Variants in SIM1 observed in about 807,000 individuals in gnomAD.
SIM1 encodes the protein single-minded homolog 1.
A neutral mutation model predicts 78.2 loss-of-function variants in SIM1; 18 were observed. That is an observed-to-expected ratio of 0.23 (90% confidence interval 0.16 to 0.34). The LOEUF is 0.34. Ranked by LOEUF, SIM1 falls within the 10% of genes least tolerant of loss-of-function variation. The pLI is 1.00. For synonymous variants in SIM1, 417 were observed against 385.2 expected (o/e 1.08, Z -0.97); for missense variants, 939 against 975.1 (o/e 0.96, Z 0.49).
intron 9 of SIM1, among the ~76,000 whole-genome samples, chr6:100,430,591 C>G (rs187656118): frequency 6.6e-6 from 1 of 152,206 alleles, no homozygotes; most frequent in Admixed American, 6.5e-5. Flanking sequence ...CGGGCTGCCT[C>G]TTTTCCATTA....
intron 9 of SIM1, among the ~76,000 whole-genome samples, chr6:100,435,407 GGGTTGGTATGCTCGCT>G (rs1772017546): frequency 6.6e-6 from 1 of 152,164 alleles, no homozygotes; most frequent in Non-Finnish European, 1.5e-5. Flanking sequence ...TCCAGACCCT[GGGTTGGTATGCTCGCT>G]GGACCACTCA....
At chr6:100,440,849 A>G (rs1360572709) in intron 9 of SIM1, among the ~76,000 whole-genome samples, 1 of 152,142 alleles carries the variant, frequency 6.6e-6, no homozygotes, top group Admixed American at 6.5e-5. Context: ...TGTATAATCC[A>G]TCCCACCCCC....
chr6:100,445,087 A>G (rs946761215), intron 9 of SIM1, among the ~76,000 whole-genome samples: 1 of 152,196 alleles, frequency 6.6e-6, no homozygotes, highest in African/African-American at 2.4e-5. Context: ...ATGGAGAATC[A>G]ATAGCCATCT....
In SIM1 at chr6:100,390,133, C is replaced by T. The variant is rs1325303393; in HGVS notation, c.*228G>A. 1.8e-6 allele frequency: 1 copy of T among 543,758 alleles called. No homozygotes were observed. The highest frequency in any genetic ancestry group is 3.2e-6 in the Non-Finnish European group (1 of 310,942). 33.7% of individuals were successfully genotyped at this position (543,758 alleles called of 1,614,324 possible). ...GTCAAAATTTATCTATTCTGGTTCC[C>T]ATATAATTAGAGGGGAAATTTGTGT... is the stretch of plus-strand genomic sequence containing the variant. On this transcript the variant is annotated 3_prime_UTR_variant, in exon 12 of 12. Coordinates refer to ENST00000369208, the MANE Select transcript of SIM1 (RefSeq NM_005068.3).
intron 10 of SIM1, among the ~76,000 whole-genome samples, chr6:100,416,840 C>A (rs1771413723): frequency 6.6e-6 from 1 of 152,128 alleles, no homozygotes; most frequent in Non-Finnish European, 1.5e-5. Flanking sequence ...CCTCTACAGT[C>A]CCTTTTATTT....
chr6:100,461,187 CTT>C (rs977572402), intron 2 of SIM1, among the ~76,000 whole-genome samples: 1 of 152,182 alleles, frequency 6.6e-6, no homozygotes, highest in Non-Finnish European at 1.5e-5. Context: ...TTGGCGCTCT[CTT>C]TAAAAATAAC....
chr6:100,443,065 T>A (rs1432882107), intron 9 of SIM1, among the ~76,000 whole-genome samples: 1 of 150,978 alleles, frequency 6.6e-6, no homozygotes, highest in South Asian at 2.1e-4. Flanking sequence ...TAGAGCCCCC[T>A]TTTTTTTTCA....
intron 2 of SIM1, among the ~76,000 whole-genome samples, chr6:100,454,305 C>T (rs1347452308): frequency 6.6e-6 from 1 of 152,236 alleles, no homozygotes; most frequent in East Asian, 1.9e-4. Flanking sequence ...CGGCCAGGTC[C>T]AACCGGTCCT....
rs1331288752 is a variant in SIM1, at chr6:100,420,829, G to A, written c.1128C>T (p.Ser376=). The A allele has an allele frequency of 2.5e-6, 4 of 1,614,112 alleles. No homozygotes were observed. The highest frequency in any genetic ancestry group is 3.4e-6 in the Non-Finnish European group (4 of 1,180,020). The change falls in exon 10 of 12, where the codon TCC becomes TCT. Residue 376 remains serine, a synonymous_variant. Transcript: ENST00000369208. ...DNRKGAKSRL[S]SSKSKSRTSP... Reference sequence around the variant, plus strand: ...AAGTCCTGGATTTTGACTTTGAGCTGGAGAGCCGGGATTTGGCCCCCTTTC... The same window carrying A: ...AAGTCCTGGATTTTGACTTTGAGCTAGAGAGCCGGGATTTGGCCCCCTTTC...
chr6:100,421,078 T>C (rs948367382), intron 9 of SIM1, 120 bp from the exon 10 acceptor site: 26 of 973,010 alleles, frequency 2.7e-5, no homozygotes, highest in Middle Eastern at 6.6e-4. Context: ...GTTAGCCCTA[T>C]AACTAGCTTC....
At position 100,393,419 on chromosome 6, in the gene SIM1, G is replaced by A. The variant is rs539157107; in HGVS notation, c.1570+68C>T. The A allele has an allele frequency of 1.4e-4, 187 of 1,356,102 alleles. No individual in the cohort carries two copies. The African/African-American group carries it at 2.6e-3, about 19-fold the overall frequency. 84.0% of individuals were successfully genotyped at this position (1,356,102 alleles called of 1,614,324 possible). On this transcript the variant is annotated intron_variant, in intron 11 of 11. Coordinates refer to ENST00000369208, the MANE Select transcript of SIM1 (RefSeq NM_005068.3). ...TAACTATTTGGTCATTCACTCTAGTGTCACAATGTGATGAACCTGCCCAGG... is the reference window on the plus strand; with the variant it reads ...TAACTATTTGGTCATTCACTCTAGTATCACAATGTGATGAACCTGCCCAGG...
intron 10 of SIM1, among the ~76,000 whole-genome samples, chr6:100,395,618 T>C (rs1252281785): frequency 1.3e-5 from 2 of 152,188 alleles, no homozygotes; most frequent in Non-Finnish European, 2.9e-5. Context: ...TGGGCACATG[T>C]GGTGTTGTGG....
At chr6:100,404,770 T>TA (rs1313110173) in intron 10 of SIM1, among the ~76,000 whole-genome samples, 1 of 152,272 alleles carries the variant, frequency 6.6e-6, no homozygotes, top group East Asian at 1.9e-4. Flanking sequence ...TTCTCAAGGA[T>TA]AAACACAGGA....
At chr6:100,435,008 G>A (rs1772006969) in intron 9 of SIM1, among the ~76,000 whole-genome samples, 2 of 152,152 alleles carry the variant, frequency 1.3e-5, no homozygotes, top group Non-Finnish European at 2.9e-5. Flanking sequence ...AATATTAAAT[G>A]TTCTAAATAA....
intron 9 of SIM1, among the ~76,000 whole-genome samples, chr6:100,433,177 T>TGTCA (rs1771945189): frequency 6.6e-6 from 1 of 152,200 alleles, no homozygotes; most frequent in Admixed American, 6.5e-5. Context: ...TGATCTTTTC[T>TGTCA]TATACAATCA....
At chr6:100,413,278 A>C (rs764539055) in intron 10 of SIM1, among the ~76,000 whole-genome samples, 1 of 152,080 alleles carries the variant, frequency 6.6e-6, no homozygotes, top group Non-Finnish European at 1.5e-5. Flanking sequence ...CCTTGGTGGG[A>C]ATCATCCATC....
In SIM1 at chr6:100,430,440, T is replaced by A. The variant is rs17060591; in HGVS notation, c.999-9482A>T. On this transcript the variant is annotated intron_variant, in intron 9 of 11. Transcript: ENST00000369208. ...AAATTGTCAGTCTCTTCTTCCACAATCTAAACCCCTAATTGTAGCCCACTT... is the reference window on the plus strand; with the variant it reads ...AAATTGTCAGTCTCTTCTTCCACAAACTAAACCCCTAATTGTAGCCCACTT... Among the ~76,000 whole-genome samples the A allele has an allele frequency of 6.6e-3, 1,002 of 152,226 alleles. 12 individuals are homozygous for A. The highest frequency in any genetic ancestry group is 0.023 in the African/African-American group (956 of 41,532).
chr6:100,456,260 T>C (rs1425256800), intron 2 of SIM1, among the ~76,000 whole-genome samples: 1 of 152,070 alleles, frequency 6.6e-6, no homozygotes, highest in Admixed American at 6.5e-5. Flanking sequence ...CGAAGTGGGG[T>C]AGAGACCTTC....
rs1562239422 is a variant in SIM1 at position 100,412,569 on chromosome 6, AAGAAAGAAAGAAAGAAAG to A, written c.1167+8203_1167+8220del. On this transcript the variant is annotated intron_variant, in intron 10 of 11. Transcript: ENST00000369208. Reference sequence around the variant, plus strand: ...AAGAAAGAAAGAAAAGAAAGAAAGAAAGAAAGAAAGAAAGAAAGAAAGAAAGAAAGAAAGAAAGAAAGG... The same window carrying A: ...AAGAAAGAAAGAAAAGAAAGAAAGAAAAAGAAAGAAAGAAAGAAAGAAAGG... Among the ~76,000 whole-genome samples the A allele has an allele frequency of 3.2e-4, 34 of 107,648 alleles. 3 individuals are homozygous for A. Among genetic ancestry groups the A allele is most frequent in the East Asian group, 1.4e-3 (3 of 2,150 alleles). 70.6% of individuals were successfully genotyped at this position (107,648 alleles called of 152,430 possible).
Sources: allele counts gnomAD v4.1 joint callset (sites outside exome capture counted in the v4.1 genomes callset), GRCh38; gene constraint gnomAD v4.1.1; transcripts MANE v1.5; gene names NCBI Gene and HGNC (gene_info 2026-07-23, HGNC 2026-07-21).